The following PIK3C3 variants were observed in gnomAD, a reference collection of about 807,000 sequenced individuals.
PIK3C3 encodes the protein phosphatidylinositol 3-kinase catalytic subunit type 3.
In PIK3C3, 95 loss-of-function variants were observed where a neutral mutation model predicts 126.1. The ratio of observed to expected loss-of-function variants is 0.75; its 90% CI spans 0.64 to 0.89. The LOEUF (loss-of-function observed/expected upper bound fraction) is 0.89. Among genes scored for constraint, PIK3C3 ranks in the 40% least tolerant of loss-of-function variants. PIK3C3 has a pLI of 0.00. For synonymous variants in PIK3C3, 374 were observed against 360.0 expected, an observed-to-expected ratio of 1.04 and a Z score of -0.44; for missense variants, 829 against 1,063.2, an observed-to-expected ratio of 0.78 and a Z score of 3.06.
intron 15 of PIK3C3, among the ~76,000 whole-genome samples, chr18:42,029,808 G>A (rs1598911827): frequency 1.3e-5 from 2 of 152,008 alleles, no homozygotes; most frequent in East Asian, 1.9e-4. Context: ...CTCCCAAAGT[G>A]CTGGGATTAC....
chr18:42,070,507 A>T (rs1270423187), intron 24 of PIK3C3: 1 of 152,140 alleles, frequency 6.6e-6, no homozygotes, highest in African/African-American at 2.4e-5. Context: ...TCTTTATTAA[A>T]AATGGAGGAG....
chr18:42,015,775 G>A (rs1983047046), intron 12 of PIK3C3, among the ~76,000 whole-genome samples: 1 of 151,996 alleles, frequency 6.6e-6, no homozygotes, highest in Admixed American at 6.6e-5. Flanking sequence ...GGTGCTTTGG[G>A]CATATAAATG....
rs1402784384 is a variant in PIK3C3 at position 41,993,851 on chromosome 18, C to T, written c.786+510C>T. On this transcript the variant is annotated intron_variant, in intron 7 of 24. Coordinates refer to ENST00000262039, the MANE Select transcript of PIK3C3 (RefSeq NM_002647.4). ...TGATGGTGGGATACCTTCTTATTAA[C>T]GAATTTTTGAGATGATAGCTTTCAG... is the stretch of plus-strand genomic sequence containing the variant. Among the ~76,000 whole-genome samples, 4 of 152,008 alleles carry T rather than the reference C, an allele frequency of 2.6e-5. No individual in the cohort carries two copies. In the South Asian group the frequency reaches 6.2e-4, roughly 24 times the overall value.
chr18:42,010,035 C>T (rs1449438959), intron 10 of PIK3C3, among the ~76,000 whole-genome samples: 1 of 152,154 alleles, frequency 6.6e-6, no homozygotes, highest in Non-Finnish European at 1.5e-5. Flanking sequence ...CTGCAGCATG[C>T]AATGCTGCTT....
chr18:42,041,762 G>A (rs1984334113), intron 19 of PIK3C3, among the ~76,000 whole-genome samples: 1 of 152,086 alleles, frequency 6.6e-6, no homozygotes, highest in Admixed American at 6.5e-5. Flanking sequence ...GTATTACTCT[G>A]ATTCTTTTGC....
At chr18:42,048,776 G>A (rs1031292459) in intron 20 of PIK3C3, among the ~76,000 whole-genome samples, 2 of 151,956 alleles carry the variant, frequency 1.3e-5, no homozygotes, top group East Asian at 3.9e-4. Flanking sequence ...TTTACACATG[G>A]GCTGAAATAA....
At chr18:41,971,249 G>A (rs1214935601) in intron 4 of PIK3C3, 1 of 150,520 alleles carries the variant, frequency 6.6e-6, no homozygotes, top group Non-Finnish European at 1.5e-5. Flanking sequence ...CTTTTTTTTT[G>A]CAATCTTATT....
intron 4 of PIK3C3, among the ~76,000 whole-genome samples, 189 bp from the exon 5 acceptor site, chr18:41,987,623 A>G (rs1201626683): frequency 6.6e-6 from 1 of 152,100 alleles, no homozygotes; most frequent in African/African-American, 2.4e-5. Context: ...TTTAAAAAAA[A>G]TTTAATTGTT....
intron 20 of PIK3C3, chr18:42,049,254 G>T: frequency 3.8e-6 from 1 of 265,974 alleles, no homozygotes; most frequent in Non-Finnish European, 7.1e-6. Context: ...GAATTGCTAG[G>T]CCCATGTTAT....
At chr18:41,991,592 T>C (rs1240698447) in intron 6 of PIK3C3, among the ~76,000 whole-genome samples, 1 of 152,220 alleles carries the variant, frequency 6.6e-6, no homozygotes, top group Non-Finnish European at 1.5e-5. Context: ...TTGTTGTTTA[T>C]TAAAGCTGTC....
chr18:42,025,072 A>G (rs546058588), intron 13 of PIK3C3, among the ~76,000 whole-genome samples: 1 of 152,182 alleles, frequency 6.6e-6, no homozygotes, highest in South Asian at 2.1e-4. Context: ...TTGGCCTCCC[A>G]AAGTGCTGGG....
At chr18:41,989,327 C>T (rs917997187) in intron 5 of PIK3C3, among the ~76,000 whole-genome samples, 9 of 152,050 alleles carry the variant, frequency 5.9e-5, no homozygotes, top group Non-Finnish European at 8.8e-5. Flanking sequence ...CACCTCCCAA[C>T]GTGCTAGGAT....
chr18:42,064,020 A>G (rs1037363167), intron 22 of PIK3C3, among the ~76,000 whole-genome samples: 1 of 152,136 alleles, frequency 6.6e-6, no homozygotes, highest in East Asian at 1.9e-4. Context: ...CTTTCCCCAG[A>G]AGGCCCCACC....
Position 42,082,776 on chromosome 18 carries a change from G to C in PIK3C3, c.*1639G>C, listed in dbSNP as rs760584392. The stretch of plus-strand genomic sequence containing the variant: ...AAGAAAGTAAATATCTTCAGCTTTG[G>C]GGGGCATATGATCCCAATAGCATCA... On this transcript the variant is annotated 3_prime_UTR_variant, in exon 25 of 25. Transcript: ENST00000262039. The C allele has an allele frequency of 6.6e-6, 1 of 152,058 alleles. No homozygotes were observed. The highest frequency in any genetic ancestry group is 1.5e-5 in the Non-Finnish European group (1 of 68,018). The allele number at this position is 152,058 out of a possible 1,614,324, so 9.4% of individuals were successfully genotyped here.
rs530331380 is a variant in PIK3C3, at chr18:42,081,274, T to A, written c.*137T>A. 2.3e-4 allele frequency: 133 copies of A among 567,928 alleles called. No homozygotes were observed. The highest frequency in any genetic ancestry group is 2.6e-4 in the Non-Finnish European group (83 of 317,168). The allele number at this position is 567,928 out of a possible 1,614,324, so 35.2% of individuals were successfully genotyped here. A position where few individuals can be genotyped will look rare whatever the true frequency, so the allele number is the denominator to read the frequency against. Reference sequence around the variant, plus strand: ...TCAAGTTACCATATTTTCCAAATATTACATGGTACCTGAGTTCTGCTTCCT... The same window carrying A: ...TCAAGTTACCATATTTTCCAAATATAACATGGTACCTGAGTTCTGCTTCCT... On this transcript the variant is annotated 3_prime_UTR_variant, in exon 25 of 25. Coordinates refer to ENST00000262039, the MANE Select transcript of PIK3C3 (RefSeq NM_002647.4).
intron 3 of PIK3C3, among the ~76,000 whole-genome samples, chr18:41,966,370 G>A (rs966700147): frequency 2.0e-5 from 3 of 151,580 alleles, no homozygotes; most frequent in Non-Finnish European, 4.4e-5. Context: ...GGGTTTCACC[G>A]TGTTGGCCAG....
At chr18:42,065,644 C>A (rs1985504937) in intron 23 of PIK3C3, among the ~76,000 whole-genome samples, 1 of 152,168 alleles carries the variant, frequency 6.6e-6, no homozygotes, top group African/African-American at 2.4e-5. Context: ...TGTCTCCATT[C>A]CTATAGAATT....
chr18:42,036,186 T>A (rs1449564703), intron 16 of PIK3C3, among the ~76,000 whole-genome samples: 1 of 152,212 alleles, frequency 6.6e-6, no homozygotes, highest in African/African-American at 2.4e-5. Flanking sequence ...TTGTAAGTTT[T>A]AAACATACAT....
rs144017818 is a variant in PIK3C3, at chr18:41,990,476, T to G, written c.636T>G (p.Ser212=). The change falls in exon 6 of 25, where the codon TCT becomes TCG. Residue 212 remains serine, a synonymous_variant. Transcript: ENST00000262039. ...EMINESEKRS[S]NFMYLMVEFR... ...TTTTTCAGAGTGAAAAACGAAGTTC[T>G]AATTTCATGTACCTGATGGTTGAAT... 4.2e-4 allele frequency: 660 copies of G among 1,589,802 alleles called. No individual in the cohort carries two copies. The African/African-American group carries it at 4.9e-3, about 12-fold the overall frequency.
Sources: allele counts gnomAD v4.1 joint callset (sites outside exome capture counted in the v4.1 genomes callset), GRCh38; gene constraint gnomAD v4.1.1; transcripts MANE v1.5; gene names NCBI Gene and HGNC (gene_info 2026-07-23, HGNC 2026-07-21).